The following LIPI variants were observed in gnomAD, a reference collection of about 807,000 sequenced individuals.
The protein encoded by LIPI is lipase I.
Under a neutral mutation model 50.6 loss-of-function variants are expected in LIPI, and 59 were observed. That is an observed-to-expected ratio of 1.16 (90% CI 0.94 to 1.45). The LOEUF is 1.45. Among genes scored for constraint, LIPI ranks in the 40% most tolerant of loss-of-function variants. The pLI is 0.00. For synonymous variants in LIPI, 203 were observed against 178.2 expected, an observed-to-expected ratio of 1.14 and a Z score of -1.11; for missense variants, 586 against 536.3, an observed-to-expected ratio of 1.09 and a Z score of -0.92.
chr21:14,198,477 T>C lies in LIPI; in HGVS notation c.47-9058A>G, dbSNP rs374728749. 7.9e-5 allele frequency among the ~76,000 whole-genome samples: 12 copies of C among 152,156 alleles called. No individual in the cohort carries two copies. The East Asian group carries it at 1.2e-3, about 15-fold the overall frequency. ...AAAAATAGGGGTTGCAATCCTAGTT[T>C]CTGACAAAACAGATTTTAAACCAAC... On this transcript the variant is annotated intron_variant, in intron 1 of 9. Transcript: ENST00000681601.
chr21:14,207,281 G>C (rs113539707), intron 1 of LIPI, among the ~76,000 whole-genome samples: 5,248 of 152,160 alleles, frequency 0.034, 102 homozygotes, highest in African/African-American at 0.042. Context: ...ATAATACATA[G>C]TTTCAAATAG....
chr21:14,191,780 CTT>C (rs2019685880), intron 1 of LIPI, among the ~76,000 whole-genome samples: 1 of 152,110 alleles, frequency 6.6e-6, no homozygotes, highest in Non-Finnish European at 1.5e-5. Context: ...CCTTAGGAAA[CTT>C]AATGCAAGCA....
chr21:14,169,952 T>C (rs1181985070), intron 4 of LIPI, among the ~76,000 whole-genome samples: 2 of 151,680 alleles, frequency 1.3e-5, no homozygotes, highest in Non-Finnish European at 2.9e-5. Context: ...ATCAACAAAA[T>C]TGATAGACCG....
chr21:14,187,388 CA>C (rs1469897468), intron 2 of LIPI, among the ~76,000 whole-genome samples: 3 of 152,102 alleles, frequency 2.0e-5, no homozygotes, highest in African/African-American at 4.8e-5. Context: ...TTTCAAGGCA[CA>C]AGGTTATGAT....
intron 9 of LIPI, among the ~76,000 whole-genome samples, chr21:14,130,827 A>C (rs2017264728): frequency 6.6e-6 from 1 of 152,110 alleles, no homozygotes; most frequent in African/African-American, 2.4e-5. Flanking sequence ...AGGAACACCA[A>C]CATGGACCAG....
rs911281481 is a variant in LIPI, at chr21:14,119,720, G to T, written c.1296-10640C>A. Among the ~76,000 whole-genome samples the T allele has an allele frequency of 2.6e-5, 4 of 152,170 alleles. No individual in the cohort carries two copies. The East Asian group carries it at 7.7e-4, about 29-fold the overall frequency. On this transcript the variant is annotated intron_variant, in intron 9 of 9. Transcript: ENST00000681601. ...GCCTTTTACCTGTATGTTCATGAAA[G>T]AAAAGAAATGGCTACAGTAGTCTTA...
At chr21:14,124,752 A>G (rs2016992012) in intron 9 of LIPI, among the ~76,000 whole-genome samples, 1 of 152,222 alleles carries the variant, frequency 6.6e-6, no homozygotes, top group Admixed American at 6.5e-5. Flanking sequence ...ATCATCTTTT[A>G]ATAAAGACCT....
intron 4 of LIPI, among the ~76,000 whole-genome samples, chr21:14,172,099 A>C (rs2018932863): frequency 6.6e-6 from 1 of 152,212 alleles, no homozygotes; most frequent in South Asian, 2.1e-4. Context: ...CTATGCAGCC[A>C]AAAAACACAT....
intron 1 of LIPI, among the ~76,000 whole-genome samples, chr21:14,199,734 T>A (rs1471829020): frequency 6.6e-6 from 1 of 151,820 alleles, no homozygotes. Context: ...GAGGGACTCC[T>A]CCCTAAATCA....
chr21:14,126,277 A>G (rs1211284835), intron 9 of LIPI, among the ~76,000 whole-genome samples: 1 of 152,236 alleles, frequency 6.6e-6, no homozygotes, highest in Non-Finnish European at 1.5e-5. Context: ...TATTATAAAC[A>G]TCAAAAACTG....
chr21:14,158,239 T>G (rs974927907), intron 7 of LIPI, among the ~76,000 whole-genome samples: 1 of 151,736 alleles, frequency 6.6e-6, no homozygotes, highest in Non-Finnish European at 1.5e-5. Context: ...GTTAAAAAAT[T>G]TATACAGAGT....
intron 9 of LIPI, among the ~76,000 whole-genome samples, chr21:14,127,177 C>CT (rs1209615612): frequency 3.3e-5 from 5 of 152,156 alleles, no homozygotes; most frequent in East Asian, 1.9e-4. Context: ...TACTTGTTGA[C>CT]TGCATGCATA....
intron 9 of LIPI, among the ~76,000 whole-genome samples, chr21:14,116,242 G>T (rs368002283): frequency 6.6e-6 from 1 of 152,090 alleles, no homozygotes; most frequent in Non-Finnish European, 1.5e-5. Context: ...GCCAATGTGG[G>T]GAGTGATGTG....
intron 4 of LIPI, among the ~76,000 whole-genome samples, chr21:14,167,390 G>C (rs2018727587): frequency 6.6e-6 from 1 of 152,224 alleles, no homozygotes; most frequent in Non-Finnish European, 1.5e-5. Flanking sequence ...CTGGAGATCT[G>C]AGAACGGGCA....
At chr21:14,122,506 G>C (rs2016902052) in intron 9 of LIPI, among the ~76,000 whole-genome samples, 3 of 152,154 alleles carry the variant, frequency 2.0e-5, no homozygotes, top group Non-Finnish European at 4.4e-5. Flanking sequence ...TGCCTGTCAG[G>C]CTGCACACCT....
intron 4 of LIPI, 84 bp downstream of exon 4, chr21:14,181,674 T>A (rs2019274095): frequency 1.3e-6 from 1 of 754,458 alleles, no homozygotes; most frequent in Non-Finnish European, 2.4e-6. Flanking sequence ...ATGATGTTTT[T>A]TCTTCTTATG....
chr21:14,169,034 G>A (rs1390859778), intron 4 of LIPI, among the ~76,000 whole-genome samples: 4 of 151,240 alleles, frequency 2.6e-5, no homozygotes, highest in Admixed American at 1.3e-4. Flanking sequence ...CAAGCAAATG[G>A]AAAACAAAAA....
intron 9 of LIPI, among the ~76,000 whole-genome samples, chr21:14,111,074 A>G (rs1464655913): frequency 1.3e-5 from 2 of 151,746 alleles, no homozygotes; most frequent in Non-Finnish European, 2.9e-5. Flanking sequence ...TCTTCAACAT[A>G]CTGATTTCAT....
chr21:14,198,861 TAAAACACTCCTCAGC>T (rs2019952977), intron 1 of LIPI, among the ~76,000 whole-genome samples: 1 of 151,972 alleles, frequency 6.6e-6, no homozygotes, highest in East Asian at 1.9e-4. Context: ...TAATTGAAAG[TAAAACACTCCTCAGC>T]AAAACAAAAG....
Sources: gnomAD v4.1 joint callset for allele counts (sites outside exome capture counted in the v4.1 genomes callset) on GRCh38, gnomAD v4.1.1 for gene constraint, MANE v1.5 for transcripts, NCBI Gene and HGNC (gene_info 2026-07-23, HGNC 2026-07-21) for gene names.